Variants in HDAC9 observed in about 807,000 individuals in gnomAD.
HDAC9 encodes the protein MEF-2 interacting transcription repressor (MITR) protein.
A neutral mutation model predicts 139.4 loss-of-function variants in HDAC9; 41 were observed. The observed-to-expected ratio is 0.29, with a 90% CI of 0.23 to 0.38. HDAC9 has a LOEUF of 0.38. Ranked by LOEUF, HDAC9 falls within the 10% of genes least tolerant of loss-of-function variation. The pLI, the probability that HDAC9 is intolerant of heterozygous loss-of-function variation, is 1.00. For missense variants in HDAC9, 1,147 were observed against 1,297.0 expected (o/e 0.88, Z 1.78); for synonymous variants, 517 against 476.2 (o/e 1.09, Z -1.12).
chr7:18,671,668 C>T (rs1490786918), intron 12 of HDAC9, among the ~76,000 whole-genome samples: 1 of 151,962 alleles, frequency 6.6e-6, no homozygotes, highest in African/African-American at 2.4e-5. Context: ...AATTCCAAAA[C>T]ACTTCCATTA....
At chr7:18,697,056 G>A (rs894387925) in intron 12 of HDAC9, among the ~76,000 whole-genome samples, 3 of 152,076 alleles carry the variant, frequency 2.0e-5, no homozygotes, top group Non-Finnish European at 4.4e-5. Flanking sequence ...AAAACACAGA[G>A]GCAAATTCTT....
At chr7:18,437,549 G>T (rs1791323347) in intron 1 of HDAC9, among the ~76,000 whole-genome samples, 1 of 148,900 alleles carries the variant, frequency 6.7e-6, no homozygotes, top group Non-Finnish European at 1.5e-5. Flanking sequence ...ATATAATCTG[G>T]AAATTATATA....
intron 1 of HDAC9, among the ~76,000 whole-genome samples, chr7:18,418,161 G>A (rs567916270): frequency 5.9e-5 from 9 of 152,086 alleles, no homozygotes; most frequent in African/African-American, 1.7e-4. Flanking sequence ...GGTTTTGTTC[G>A]CTTCAGGGTT....
intron 11 of HDAC9, among the ~76,000 whole-genome samples, chr7:18,656,877 G>A (rs1791379816): frequency 6.6e-6 from 1 of 152,048 alleles, no homozygotes; most frequent in African/African-American, 2.4e-5. Flanking sequence ...TCTCCATAGT[G>A]GCTGTACTAA....
chr7:18,386,176 G>T (rs1310702663), intron 1 of HDAC9, among the ~76,000 whole-genome samples: 1 of 152,108 alleles, frequency 6.6e-6, no homozygotes, highest in African/African-American at 2.4e-5. Flanking sequence ...AACTCCCATA[G>T]ATTGCTTGTT....
At chr7:18,920,349 C>G (rs1803584498) in intron 22 of HDAC9, among the ~76,000 whole-genome samples, 1 of 152,054 alleles carries the variant, frequency 6.6e-6, no homozygotes, top group Admixed American at 6.6e-5. Context: ...ATTTTGTATC[C>G]TGAGACTTTG....
intron 1 of HDAC9, chr7:18,290,582 T>G: frequency 2.2e-6 from 1 of 455,872 alleles, no homozygotes; most frequent in Non-Finnish European, 4.4e-6. Flanking sequence ...TGTTTTTAAG[T>G]CTGACTCTGC....
At chr7:18,710,806 A>C (rs569320018) in intron 12 of HDAC9, among the ~76,000 whole-genome samples, 1 of 152,230 alleles carries the variant, frequency 6.6e-6, no homozygotes, top group Non-Finnish European at 1.5e-5. Context: ...TGGATAGAGA[A>C]AAAGTTAATG....
At chr7:18,835,677 G>A in intron 20 of HDAC9, 91 bp downstream of exon 20, 1 of 1,538,678 alleles carries the variant, frequency 6.5e-7, no homozygotes, top group Non-Finnish European at 9.0e-7. Flanking sequence ...GTCCTTTGCT[G>A]GTGTTTTAAA....
chr7:18,586,855 C>A (rs1222936681), intron 3 of HDAC9, among the ~76,000 whole-genome samples: 3 of 151,936 alleles, frequency 2.0e-5, no homozygotes, highest in Admixed American at 2.0e-4. Flanking sequence ...GTATGGGTAG[C>A]CTTTCTTTAG....
intron 12 of HDAC9, among the ~76,000 whole-genome samples, chr7:18,722,830 G>A (rs962736358): frequency 6.6e-6 from 1 of 152,064 alleles, no homozygotes; most frequent in African/African-American, 2.4e-5. Flanking sequence ...TTGAAAGAAA[G>A]TTCAAAAATG....
chr7:18,377,646 T>C (rs1785098918), intron 1 of HDAC9, among the ~76,000 whole-genome samples: 1 of 152,186 alleles, frequency 6.6e-6, no homozygotes, highest in Non-Finnish European at 1.5e-5. Flanking sequence ...GAAATTTAAA[T>C]AGCAGCCTCC....
At chr7:18,679,243 A>G (rs937019335) in intron 12 of HDAC9, among the ~76,000 whole-genome samples, 4 of 151,846 alleles carry the variant, frequency 2.6e-5, no homozygotes, top group African/African-American at 9.7e-5. Context: ...GGTACTCTTT[A>G]CATTCAAATA....
intron 23 of HDAC9, among the ~76,000 whole-genome samples, chr7:18,944,047 T>C (rs1782203562): frequency 6.6e-6 from 1 of 152,154 alleles, no homozygotes; most frequent in South Asian, 2.1e-4. Context: ...GAATCACAAT[T>C]TGGATAAAAT....
chr7:18,591,606 A>G lies in HDAC9; in HGVS notation c.506A>G (p.Asn169Ser). ...ATKDTPTNGK[N>S]HSVSRHPKLW... ...AAAGACACTCCAACTAATGGAAAAA[A>G]TCATTCCGTGAGCCGCCATCCCAAG... The change falls in exon 5 of 26, where the codon AAT becomes AGT. Residue 169 changes from asparagine (N) to serine (S), a missense_variant. Asn to Ser is a conservative substitution (Grantham distance 46). This residue lies in a region of HDAC9 where 79 missense variants were observed against 65.8 expected (regional missense o/e 1.20). Transcript: ENST00000686413. 1 of 1,613,496 alleles carries G rather than the reference A, an allele frequency of 6.2e-7. No individual in the cohort carries two copies. The highest frequency in any genetic ancestry group is 8.5e-7 in the Non-Finnish European group (1 of 1,179,714).
At position 18,201,028 on chromosome 7, in the gene HDAC9, C is replaced by T. The variant is rs1026568576; in HGVS notation, c.25+38679C>T. Among the ~76,000 whole-genome samples, 11 of 152,206 alleles carry T rather than the reference C, an allele frequency of 7.2e-5. No homozygotes were observed. In the South Asian group the frequency reaches 2.1e-3, roughly 29 times the overall value. On this transcript the variant is annotated intron_variant, in intron 2 of 12. Coordinates refer to the HDAC9 transcript ENST00000417496. ...CCCTAGAAATGGTTTGGTACAGCCT[C>T]CTCGTTTTACACATAAGGGGAGCCA...
chr7:18,622,295 A>G (rs1840414191), intron 6 of HDAC9, among the ~76,000 whole-genome samples: 1 of 152,156 alleles, frequency 6.6e-6, no homozygotes, highest in Admixed American at 6.6e-5. Context: ...TGTATATCCC[A>G]AATATTCATT....
At chr7:18,960,623 T>C (rs889730508) in intron 24 of HDAC9, among the ~76,000 whole-genome samples, 2 of 152,100 alleles carry the variant, frequency 1.3e-5, no homozygotes, top group African/African-American at 4.8e-5. Flanking sequence ...AATCAAAATA[T>C]GTGGTACCTA....
chr7:18,489,209 A>G (rs182937896), intron 1 of HDAC9, among the ~76,000 whole-genome samples: 1 of 152,172 alleles, frequency 6.6e-6, no homozygotes, highest in Admixed American at 6.6e-5. Context: ...GGAGAAAGCA[A>G]AATGAACTAT....
Sources: allele counts gnomAD v4.1 joint callset (sites outside exome capture counted in the v4.1 genomes callset), GRCh38; gene constraint gnomAD v4.1.1; regional missense constraint gnomAD v4.1.1; transcripts MANE v1.5; gene names NCBI Gene and HGNC (gene_info 2026-07-23, HGNC 2026-07-21).